The following SIL1 variants were observed in gnomAD, a reference collection of about 807,000 sequenced individuals.
SIL1 encodes SIL1 nucleotide exchange factor, also known as nucleotide exchange factor SIL1.
In SIL1, 40 loss-of-function variants were observed where a neutral mutation model predicts 49.1. That is an observed-to-expected ratio of 0.81 (90% CI 0.63 to 1.06). SIL1 has a LOEUF of 1.06. SIL1 is among the 50% of genes least tolerant of loss of function. The pLI is 0.00. For synonymous variants in SIL1, 253 were observed against 250.8 expected, an observed-to-expected ratio of 1.01 and a Z score of -0.08; for missense variants, 500 against 572.6, an observed-to-expected ratio of 0.87 and a Z score of 1.29.
intron 3 of SIL1, among the ~76,000 whole-genome samples, chr5:139,092,529 A>G (rs757819039): frequency 1.3e-5 from 2 of 152,180 alleles, no homozygotes; most frequent in Non-Finnish European, 2.9e-5. Context: ...ATTTATCTCC[A>G]AAAGAAATCT....
chr5:139,083,907 A>T lies in SIL1; in HGVS notation c.245-32861T>A, dbSNP rs1273733575. ...TTCAGCTTTCTACATATGGCTAGCC[A>T]GTTTTCCCAGCACCATTTATTAAAT... On this transcript the variant is annotated intron_variant, in intron 3 of 9. Transcript: ENST00000394817. Among the ~76,000 whole-genome samples the T allele has an allele frequency of 2.4e-3, 179 of 73,732 alleles. 2 individuals are homozygous for T. The highest frequency in any genetic ancestry group is 9.5e-3 in the African/African-American group (169 of 17,868). 48.4% of individuals were successfully genotyped at this position (73,732 alleles called of 152,430 possible). A position where few individuals can be genotyped will look rare whatever the true frequency, so the allele number is the denominator to read the frequency against.
chr5:139,169,990 C>A (rs1281770629), intron 1 of SIL1, among the ~76,000 whole-genome samples: 1 of 152,226 alleles, frequency 6.6e-6, no homozygotes, highest in Non-Finnish European at 1.5e-5. Context: ...CCTCAGCCTG[C>A]CAAGTGCCTG....
intron 7 of SIL1, among the ~76,000 whole-genome samples, chr5:138,982,268 A>G (rs1767543786): frequency 6.6e-6 from 1 of 152,226 alleles, no homozygotes; most frequent in African/African-American, 2.4e-5. Context: ...GCCATGGGCA[A>G]CAAACCCAGC....
chr5:139,084,871 CAAGTA>C (rs1770177956), intron 3 of SIL1, among the ~76,000 whole-genome samples: 2 of 152,130 alleles, frequency 1.3e-5, no homozygotes, highest in Admixed American at 6.5e-5. Flanking sequence ...CATCATTTCT[CAAGTA>C]TAGTAATTAA....
intron 1 of SIL1, among the ~76,000 whole-genome samples, chr5:139,155,001 G>A (rs1751380226): frequency 6.6e-6 from 1 of 152,278 alleles, no homozygotes. Flanking sequence ...TGAAACAGCA[G>A]GTAAAAGAAC....
chr5:139,095,357 G>A (rs925134561), intron 3 of SIL1, among the ~76,000 whole-genome samples: 6 of 149,898 alleles, frequency 4.0e-5, no homozygotes, highest in Non-Finnish European at 5.9e-5. Flanking sequence ...TCCACCTCCT[G>A]GGTTCAAACA....
intron 4 of SIL1, among the ~76,000 whole-genome samples, chr5:139,047,196 G>C (rs551662324): frequency 1.3e-5 from 2 of 152,192 alleles, no homozygotes; most frequent in Non-Finnish European, 2.9e-5. Context: ...CCAAGAAGCT[G>C]GTTATTCCAG....
intron 3 of SIL1, among the ~76,000 whole-genome samples, chr5:139,090,212 T>G (rs986349649): frequency 6.6e-6 from 1 of 152,168 alleles, no homozygotes. Context: ...GGCCAGTTCC[T>G]CAGTCCTAAA....
intron 1 of SIL1, among the ~76,000 whole-genome samples, chr5:139,133,928 C>G (rs1750920339): frequency 6.6e-6 from 1 of 152,220 alleles, no homozygotes; most frequent in African/African-American, 2.4e-5. Flanking sequence ...AAGGCCAATT[C>G]TTGGCTCTGC....
intron 5 of SIL1, among the ~76,000 whole-genome samples, chr5:139,033,138 C>T (rs886281369): frequency 1.3e-5 from 2 of 152,020 alleles, no homozygotes; most frequent in Admixed American, 6.6e-5. Context: ...GGACTACAAG[C>T]GTGCGCCACC....
intron 3 of SIL1, among the ~76,000 whole-genome samples, chr5:139,056,711 G>T (rs1210119043): frequency 6.8e-6 from 1 of 146,944 alleles, no homozygotes; most frequent in Non-Finnish European, 1.5e-5. Flanking sequence ...TCAGCCCCCC[G>T]CCCGGCCAGC....
chr5:138,967,628 G>A (rs138558712), intron 7 of SIL1, among the ~76,000 whole-genome samples: 2 of 152,294 alleles, frequency 1.3e-5, no homozygotes, highest in Non-Finnish European at 1.5e-5. Flanking sequence ...ATCTTCTGTG[G>A]GAGATGAGAA....
chr5:139,167,206 C>T (rs1238300227), intron 1 of SIL1, among the ~76,000 whole-genome samples: 1 of 152,002 alleles, frequency 6.6e-6, no homozygotes. Context: ...CCCCACCCCC[C>T]GCCTCAGCCT....
At chr5:138,973,201 TAAAAAAAAAA>T (rs5871690) in intron 7 of SIL1, among the ~76,000 whole-genome samples, 2 of 105,374 alleles carry the variant, frequency 1.9e-5, no homozygotes, top group Non-Finnish European at 3.7e-5. Context: ...TTGAAGTATT[TAAAAAAAAAA>T]AAAAAAAAAA....
chr5:139,052,474 C>T (rs1442459689), intron 3 of SIL1, among the ~76,000 whole-genome samples: 2 of 152,166 alleles, frequency 1.3e-5, no homozygotes, highest in South Asian at 4.1e-4. Context: ...CACCTGAGGT[C>T]AGGAGTTCGA....
intron 3 of SIL1, among the ~76,000 whole-genome samples, chr5:139,072,029 GA>G (rs1041140042): frequency 6.6e-6 from 1 of 151,866 alleles, no homozygotes; most frequent in South Asian, 2.1e-4. Flanking sequence ...CACATTCATG[GA>G]AAAAATACAT....
At chr5:138,952,647 A>C (rs573958277) in intron 7 of SIL1, among the ~76,000 whole-genome samples, 1 of 152,380 alleles carries the variant, frequency 6.6e-6, no homozygotes, top group Admixed American at 6.5e-5. Context: ...CACAACCATG[A>C]ACATATCAAT....
chr5:139,094,148 G>A (rs1399305343), intron 3 of SIL1, among the ~76,000 whole-genome samples: 1 of 152,118 alleles, frequency 6.6e-6, no homozygotes, highest in Non-Finnish European at 1.5e-5. Context: ...TCATTTCCAT[G>A]CTGAGCAAAA....
chr5:139,034,153 T>G (rs1030184327), intron 5 of SIL1, among the ~76,000 whole-genome samples: 1 of 152,164 alleles, frequency 6.6e-6, no homozygotes, highest in Non-Finnish European at 1.5e-5. Context: ...TTAATTAATA[T>G]CTGTATGATA....
Sources: gnomAD v4.1 joint callset for allele counts (sites outside exome capture counted in the v4.1 genomes callset) on GRCh38, gnomAD v4.1.1 for gene constraint, MANE v1.5 for transcripts, NCBI Gene and HGNC (gene_info 2026-07-23, HGNC 2026-07-21) for gene names.